Variants in ROBO2 observed in about 807,000 individuals in gnomAD.
The protein encoded by ROBO2 is roundabout homolog 2.
ROBO2 carries 53 observed loss-of-function variants against 160.8 expected under a neutral mutation model. The observed-to-expected ratio is 0.33, with a 90% CI of 0.26 to 0.41. The LOEUF (loss-of-function observed/expected upper bound fraction) is 0.41, where lower values mean the gene tolerates loss of function less well. ROBO2 is among the 10% of genes least tolerant of loss of function. The pLI is 1.00. For missense variants in ROBO2, 1,577 were observed against 1,722.4 expected (o/e 0.92, Z 1.49); for synonymous variants, 664 against 611.7 (o/e 1.09, Z -1.26).
chr3:76,749,313 T>TGA (rs2093942306), intron 2 of ROBO2, among the ~76,000 whole-genome samples: 1 of 151,966 alleles, frequency 6.6e-6, no homozygotes, highest in Admixed American at 6.6e-5. Context: ...AATTGTACCT[T>TGA]AAAGTCATCT....
At chr3:76,756,131 T>A (rs1034515475) in intron 2 of ROBO2, among the ~76,000 whole-genome samples, 7 of 151,888 alleles carry the variant, frequency 4.6e-5, no homozygotes, top group Non-Finnish European at 1.0e-4. Context: ...ATTTTCATGG[T>A]CTATTGGCCA....
chr3:77,056,284 C>T (rs992601796), intron 1 of ROBO2, among the ~76,000 whole-genome samples: 2 of 152,016 alleles, frequency 1.3e-5, no homozygotes, highest in Admixed American at 1.3e-4. Flanking sequence ...AAAACTTGTC[C>T]CCCAACCACC....
chr3:76,738,631 C>T (rs921945038), intron 2 of ROBO2, among the ~76,000 whole-genome samples: 7 of 152,026 alleles, frequency 4.6e-5, no homozygotes, highest in South Asian at 2.1e-4. Flanking sequence ...TCTTCGAACA[C>T]GGTAAGATGG....
At chr3:77,532,656 A>G (rs1193581631) in intron 6 of ROBO2, among the ~76,000 whole-genome samples, 1 of 151,906 alleles carries the variant, frequency 6.6e-6, no homozygotes, top group Non-Finnish European at 1.5e-5. Flanking sequence ...CAATGACAAT[A>G]TACCGCGTCT....
chr3:77,622,540 G>A, intron 23 of ROBO2, 108 bp downstream of exon 24: 1 of 946,204 alleles, frequency 1.1e-6, no homozygotes, highest in Non-Finnish European at 1.7e-6. Flanking sequence ...ATCTATTTCT[G>A]TAACATTTTA....
chr3:77,010,840 C>G lies in ROBO2; in HGVS notation c.110-87174C>G, dbSNP rs936356976. Among the ~76,000 whole-genome samples the G allele has an allele frequency of 4.8e-5, 3 of 62,540 alleles. No individual in the cohort carries two copies. In the Admixed American group the frequency reaches 6.1e-4, roughly 13 times the overall value. 41.0% of individuals were successfully genotyped at this position (62,540 alleles called of 152,430 possible). ...TTCTCTCCTTCCTTCCTTCCTCCCT[C>G]CCTCCCTCCCTCTCTCCCTCCCTCC... is the stretch of plus-strand genomic sequence containing the variant. On this transcript the variant is annotated intron_variant, in intron 2 of 26. Coordinates refer to the ROBO2 transcript ENST00000487694.
chr3:76,464,767 TTTAA>T (rs1267751025), intron 2 of ROBO2, among the ~76,000 whole-genome samples: 3 of 152,138 alleles, frequency 2.0e-5, no homozygotes, highest in Non-Finnish European at 4.4e-5. Context: ...GATATTGTAG[TTTAA>T]TTAAGGAATG....
chr3:76,423,824 T>A (rs959109695), intron 2 of ROBO2, among the ~76,000 whole-genome samples: 1 of 152,064 alleles, frequency 6.6e-6, no homozygotes, highest in African/African-American at 2.4e-5. Context: ...TGGCAAGACT[T>A]GAGATAAAAA....
chr3:76,192,538 ACAC>A (rs1250292649), intron 2 of ROBO2, among the ~76,000 whole-genome samples: 33 of 145,612 alleles, frequency 2.3e-4, no homozygotes, highest in Non-Finnish European at 7.6e-5. Flanking sequence ...ACACACACAC[ACAC>A]ACACACACAC....
intron 18 of ROBO2, among the ~76,000 whole-genome samples, chr3:77,596,249 A>C (rs1260581064): frequency 6.6e-6 from 1 of 152,136 alleles, no homozygotes; most frequent in East Asian, 1.9e-4. Flanking sequence ...GGAATTGAGG[A>C]AGGAATAGCC....
At chr3:77,609,493 T>G (rs2094584958) in intron 21 of ROBO2, among the ~76,000 whole-genome samples, 1 of 151,984 alleles carries the variant, frequency 6.6e-6, no homozygotes, top group African/African-American at 2.4e-5. Flanking sequence ...TTTATATGCA[T>G]AAAGTCTTGA....
rs173712 is a variant in ROBO2, at chr3:76,722,278, C to T, written c.110-375736C>T. On this transcript the variant is annotated intron_variant, in intron 2 of 26. Coordinates refer to the ROBO2 transcript ENST00000487694. ...CGGGATTACAGGTGCCTGCCACCCA[C>T]GCCTGGCTAATTTTTGTATTTTTAG... Among the ~76,000 whole-genome samples the T allele has an allele frequency of 8.2e-3, 1,252 of 152,118 alleles. 7 individuals carry two copies. Among genetic ancestry groups the T allele is most frequent in the Middle Eastern group, 0.017 (5 of 294 alleles).
intron 2 of ROBO2, among the ~76,000 whole-genome samples, chr3:76,176,779 GTTATTAATAAAGGCCA>G: frequency 6.6e-6 from 1 of 151,828 alleles, no homozygotes; most frequent in East Asian, 1.9e-4. Flanking sequence ...TCAAAAACCC[GTTATTAATAAAGGCCA>G]TTATTAACAG....
chr3:77,007,453 G>C (rs1219847338), intron 2 of ROBO2, among the ~76,000 whole-genome samples: 3 of 151,918 alleles, frequency 2.0e-5, no homozygotes, highest in Non-Finnish European at 4.4e-5. Context: ...TGCCACCCGG[G>C]TCTATATATT....
In ROBO2 at chr3:77,174,110, C is replaced by G. The variant is rs970585786; in HGVS notation, c.388+75770C>G. Among the ~76,000 whole-genome samples the G allele has an allele frequency of 3.9e-5, 6 of 152,146 alleles. No homozygotes were observed. The Middle Eastern group carries it at 0.014, about 345-fold the overall frequency. ...CCTACTCACTTTCTTCCCATGAGTA[C>G]AATTCTATCCCCCAGTTAGGTTGTG... On this transcript the variant is annotated intron_variant, in intron 2 of 25. Transcript: ENST00000461745.
chr3:77,409,616 T>G (rs2076537724), intron 2 of ROBO2, among the ~76,000 whole-genome samples: 1 of 152,130 alleles, frequency 6.6e-6, no homozygotes, highest in Admixed American at 6.5e-5. Flanking sequence ...TTTAGCTGTT[T>G]CATTTACAGA....
At chr3:76,933,091 A>T (rs1186848362) in intron 2 of ROBO2, among the ~76,000 whole-genome samples, 4 of 152,226 alleles carry the variant, frequency 2.6e-5, no homozygotes. Context: ...ATGTATGCAA[A>T]TAAAAAACTT....
chr3:75,967,175 T>C (rs184915829), intron 2 of ROBO2, among the ~76,000 whole-genome samples: 180 of 151,802 alleles, frequency 1.2e-3, no homozygotes, highest in Non-Finnish European at 1.8e-3. Context: ...CTATCTTTTT[T>C]TCTCTTTTTT....
intron 2 of ROBO2, among the ~76,000 whole-genome samples, chr3:76,838,004 T>C (rs973045261): frequency 1.3e-5 from 2 of 152,040 alleles, no homozygotes; most frequent in African/African-American, 4.8e-5. Flanking sequence ...TTTCATCTAA[T>C]GAAATGTTTC....
Sources: gnomAD v4.1 joint callset for allele counts (sites outside exome capture counted in the v4.1 genomes callset) on GRCh38, gnomAD v4.1.1 for gene constraint, MANE v1.5 for transcripts, NCBI Gene and HGNC (gene_info 2026-07-23, HGNC 2026-07-21) for gene names.